ANKS1A: variants seen among roughly 807,000 people sequenced by gnomAD.
ANKS1A encodes the protein ankyrin repeat and sterile alpha motif domain containing 1A.
Under a neutral mutation model 120.3 loss-of-function variants are expected in ANKS1A, and 55 were observed. The ratio of observed to expected loss-of-function variants is 0.46; its 90% CI spans 0.37 to 0.57. ANKS1A has a LOEUF of 0.57. ANKS1A is among the 20% of genes least tolerant of loss of function. ANKS1A has a pLI of 0.00. For missense variants in ANKS1A, 1,123 were observed against 1,480.3 expected (o/e 0.76, Z 3.96); for synonymous variants, 590 against 604.7 (o/e 0.98, Z 0.36).
chr6:34,974,318 T>G (rs1267413513), intron 3 of ANKS1A, among the ~76,000 whole-genome samples: 2 of 38,608 alleles, frequency 5.2e-5, no homozygotes, highest in African/African-American at 1.2e-4. Flanking sequence ...TCCCTTCCCC[T>G]TCCCCTTTCT....
At chr6:35,007,468 GA>G (rs1773523342) in intron 10 of ANKS1A, among the ~76,000 whole-genome samples, 1 of 152,222 alleles carries the variant, frequency 6.6e-6, no homozygotes, top group South Asian at 2.1e-4. Flanking sequence ...GCATAACCAA[GA>G]GCAGTGATTC....
intron 1 of ANKS1A, among the ~76,000 whole-genome samples, chr6:34,938,974 C>T (rs1391433318): frequency 1.3e-5 from 2 of 152,116 alleles, no homozygotes; most frequent in Admixed American, 6.5e-5. Context: ...GGCGACAGAG[C>T]GAGACTCCAT....
Position 35,050,700 on chromosome 6 carries a change from G to A in ANKS1A, c.2011-3399G>A, listed in dbSNP as rs1416842107. On this transcript the variant is annotated intron_variant, in intron 11 of 23. Transcript: ENST00000360359. This position sits in a 1 kb window ranked among gnomAD's most constrained non-coding sequence, Gnocchi z 4.3. ...GCTCCGGCTTCTCCCCATCTGCACAGCTCAGGCTGAGGGCTTGGGCAGACC... is the reference window on the plus strand; with the variant it reads ...GCTCCGGCTTCTCCCCATCTGCACAACTCAGGCTGAGGGCTTGGGCAGACC... Among the ~76,000 whole-genome samples the A allele has an allele frequency of 1.3e-5, 2 of 152,224 alleles. No individual in the cohort carries two copies. Among genetic ancestry groups the A allele is most frequent in the Non-Finnish European group, 2.9e-5 (2 of 68,032 alleles).
intron 11 of ANKS1A, among the ~76,000 whole-genome samples, chr6:35,046,332 T>C (rs1299917239): frequency 6.6e-6 from 1 of 152,194 alleles, no homozygotes; most frequent in Non-Finnish European, 1.5e-5. Context: ...CCATCGACTT[T>C]CCCACATTCC....
At position 35,082,843 on chromosome 6, in the gene ANKS1A, G is replaced by A. The variant is rs1261804938; in HGVS notation, c.2835+27G>A. On this transcript the variant is annotated intron_variant, in intron 18 of 23. Transcript: ENST00000360359. The surrounding 1 kb of genome is among the most constrained non-coding windows in gnomAD (Gnocchi z 4.1). ...TGAGTTGCTCCCACCCTCCCAGCAG[G>A]GCCGGCCTCCCTGCTCCTTCTCGGC... 6.9e-6 allele frequency: 11 copies of A among 1,599,596 alleles called. No homozygotes were observed. In the South Asian group the frequency reaches 1.2e-4, roughly 18 times the overall value.
chr6:34,964,489 C>T (rs180786642), intron 1 of ANKS1A, among the ~76,000 whole-genome samples: 170 of 152,288 alleles, frequency 1.1e-3, no homozygotes, highest in Non-Finnish European at 2.1e-3. Flanking sequence ...TGCCTTCTTT[C>T]GTCGCTTTCT....
At chr6:34,963,878 A>AT (rs1770770703) in intron 1 of ANKS1A, among the ~76,000 whole-genome samples, 1 of 152,096 alleles carries the variant, frequency 6.6e-6, no homozygotes, top group Non-Finnish European at 1.5e-5. Context: ...GATGTTGAGC[A>AT]TTTTTTCATA....
chr6:35,059,746 C>T (rs1187175802), intron 12 of ANKS1A, among the ~76,000 whole-genome samples: 1 of 152,176 alleles, frequency 6.6e-6, no homozygotes, highest in Non-Finnish European at 1.5e-5. Flanking sequence ...TCAGCCCCCT[C>T]TAGTGCCTGT....
Position 35,086,251 on chromosome 6 carries a change from G to T in ANKS1A, c.3303+315G>T. On this transcript the variant is annotated intron_variant, in intron 22 of 23. Transcript: ENST00000360359. The surrounding 1 kb of genome is among the most constrained non-coding windows in gnomAD (Gnocchi z 5.1). Reference sequence around the variant, plus strand: ...CTGCGCCATCCCTGTGTCTGTGTCTGCTTTGCTCTGCACCCCAGGTGCCGC... The same window carrying T: ...CTGCGCCATCCCTGTGTCTGTGTCTTCTTTGCTCTGCACCCCAGGTGCCGC... 7.4e-7 allele frequency: 1 copy of T among 1,359,042 alleles called. No individual in the cohort carries two copies. The highest frequency in any genetic ancestry group is 9.7e-7 in the Non-Finnish European group (1 of 1,033,804). 84.2% of individuals were successfully genotyped at this position (1,359,042 alleles called of 1,614,324 possible). A position where few individuals can be genotyped will look rare whatever the true frequency, so the allele number is the denominator to read the frequency against.
intron 13 of ANKS1A, among the ~76,000 whole-genome samples, chr6:35,063,389 A>T (rs781367431): frequency 6.6e-6 from 1 of 152,278 alleles, no homozygotes; most frequent in Non-Finnish European, 1.5e-5. Flanking sequence ...GTGCTAGCGC[A>T]GGTCTGATGC....
chr6:34,936,777 TG>T (rs1412045525), intron 1 of ANKS1A, among the ~76,000 whole-genome samples: 1 of 152,234 alleles, frequency 6.6e-6, no homozygotes, highest in African/African-American at 2.4e-5. Context: ...TGATAATTCA[TG>T]TGAAATATAT....
At chr6:35,030,470 A>G (rs536958784) in intron 11 of ANKS1A, among the ~76,000 whole-genome samples, 1 of 152,366 alleles carries the variant, frequency 6.6e-6, no homozygotes, top group South Asian at 2.1e-4. Context: ...CCTAGTTACC[A>G]TGTAGTCCAG....
At chr6:35,081,689 G>A (rs999082650) in intron 17 of ANKS1A, among the ~76,000 whole-genome samples, 7 of 152,210 alleles carry the variant, frequency 4.6e-5, no homozygotes, top group Admixed American at 2.0e-4. Flanking sequence ...GGGGGGCACC[G>A]CTGGAGACGC....
At chr6:34,999,774 CAG>C (rs1773059129) in intron 10 of ANKS1A, among the ~76,000 whole-genome samples, 1 of 152,024 alleles carries the variant, frequency 6.6e-6, no homozygotes, top group Admixed American at 6.6e-5. Context: ...TTCCCCGCCA[CAG>C]TAGTTAAGAG....
chr6:35,007,232 G>C (rs940931053), intron 10 of ANKS1A, among the ~76,000 whole-genome samples: 4 of 152,152 alleles, frequency 2.6e-5, no homozygotes, highest in Non-Finnish European at 4.4e-5. Flanking sequence ...ATGCAGGACA[G>C]TCCTTCACAG....
At chr6:35,097,412 G>A in the ANKS1A span, among the ~76,000 whole-genome samples, 1 of 151,980 alleles carries the variant, frequency 6.6e-6, no homozygotes, top group Non-Finnish European at 1.5e-5. Flanking sequence ...GGGAGGCTGA[G>A]GCGGGAGAAT....
rs1048023667 is a variant in ANKS1A, at chr6:35,090,561, C to T, written c.*1952C>T. On this transcript the variant is annotated 3_prime_UTR_variant, in exon 24 of 24. Transcript: ENST00000360359. ...CATATTGGAAGCCTTGGCTAGTCTG[C>T]TCTAGCTCTGGGTTCTGTTTAGAGA... 3 of 1,021,006 alleles carry T rather than the reference C, an allele frequency of 2.9e-6. No individual in the cohort carries two copies. In the African/African-American group the frequency reaches 5.2e-5, roughly 18 times the overall value. 63.2% of individuals were successfully genotyped at this position (1,021,006 alleles called of 1,614,324 possible).
intron 10 of ANKS1A, among the ~76,000 whole-genome samples, chr6:35,004,273 T>A (rs1238511394): frequency 6.6e-6 from 1 of 152,100 alleles, no homozygotes; most frequent in Non-Finnish European, 1.5e-5. Flanking sequence ...TATCTTGGTG[T>A]CTGAGGGGTT....
In ANKS1A at chr6:35,081,083, G is replaced by A; in HGVS notation, c.2634G>A (p.Gly878=). The change falls in exon 17 of 24, where the codon GGG becomes GGA. Residue 878 remains glycine, a synonymous_variant. Coordinates refer to ENST00000360359, the MANE Select transcript of ANKS1A (RefSeq NM_015245.3). ...GRSADLLLPP[G]DTGRRRHDSL... is the part of the protein sequence containing the mutation. Reference sequence around the variant, plus strand: ...CGGCAGATCTGCTGCTGCCTCCAGGGGACACAGGCAGGAGGCGCCATGACA... The same window carrying A: ...CGGCAGATCTGCTGCTGCCTCCAGGAGACACAGGCAGGAGGCGCCATGACA... The A allele has an allele frequency of 6.2e-7, 1 of 1,613,926 alleles. No homozygotes were observed. The highest frequency in any genetic ancestry group is 8.5e-7 in the Non-Finnish European group (1 of 1,179,974).
Sources: gnomAD v4.1 joint callset for allele counts (sites outside exome capture counted in the v4.1 genomes callset) on GRCh38, gnomAD v4.1.1 for gene constraint, Gnocchi (gnomAD v3.1) non-coding constraint, MANE v1.5 for transcripts, NCBI Gene and HGNC (gene_info 2026-07-23, HGNC 2026-07-21) for gene names.